The following FIBCD1 variants were observed in gnomAD, a reference collection of about 807,000 sequenced individuals.
FIBCD1 encodes fibrinogen C domain-containing protein 1.
In FIBCD1, 47 loss-of-function variants were observed where a neutral mutation model predicts 45.1. That is an observed-to-expected ratio of 1.04 (90% CI 0.82 to 1.33). The LOEUF (loss-of-function observed/expected upper bound fraction) is 1.33, where lower values mean the gene tolerates loss of function less well. Ranked by LOEUF, FIBCD1 falls within the 40% of genes most tolerant of loss-of-function variation. The pLI is 0.00. For synonymous variants in FIBCD1, 313 were observed against 308.1 expected, an observed-to-expected ratio of 1.02 and a Z score of -0.17; for missense variants, 653 against 682.2, an observed-to-expected ratio of 0.96 and a Z score of 0.48.
chr9:130,939,146 G>C lies in FIBCD1; in HGVS notation c.-539C>G, dbSNP rs1588115729. 6.6e-6 allele frequency: 1 copy of C among 152,050 alleles called. No individual in the cohort carries two copies. Among genetic ancestry groups the C allele is most frequent in the Non-Finnish European group, 1.5e-5 (1 of 67,998 alleles). The allele number at this position is 152,050 out of a possible 1,614,324, so 9.4% of individuals were successfully genotyped here. A position where few individuals can be genotyped will look rare whatever the true frequency, so the allele number is the denominator to read the frequency against. On this transcript the variant is annotated 5_prime_UTR_variant, in exon 1 of 7. Coordinates refer to ENST00000372338, the MANE Select transcript of FIBCD1 (RefSeq NM_032843.5). Reference sequence around the variant, plus strand: ...GCCGCGGGCGGCCCGGCTCCTGCTGGCTCCCGGAGGGGCCTGAGAGCCCCC... The same window carrying C: ...GCCGCGGGCGGCCCGGCTCCTGCTGCCTCCCGGAGGGGCCTGAGAGCCCCC...
intron 4 of FIBCD1, among the ~76,000 whole-genome samples, chr9:130,914,487 C>CTG (rs1261270253): frequency 1.3e-5 from 2 of 152,240 alleles, no homozygotes; most frequent in Admixed American, 6.5e-5. Context: ...GTCCTGGGCC[C>CTG]TGTGTCAGCC....
chr9:130,920,002 C>T (rs1427489363), intron 4 of FIBCD1, among the ~76,000 whole-genome samples: 1 of 152,132 alleles, frequency 6.6e-6, no homozygotes, highest in Non-Finnish European at 1.5e-5. Flanking sequence ...GGAGCCCAGG[C>T]ACTGAGGCTG....
chr9:130,938,047 C>T (rs1252167125), intron 1 of FIBCD1: 1 of 152,990 alleles, frequency 6.5e-6, no homozygotes, highest in Non-Finnish European at 1.5e-5. Context: ...TGATCCCCTA[C>T]TGTATGCAGG....
intron 5 of FIBCD1, 49 bp from the exon 6 acceptor site, chr9:130,905,462 G>T: frequency 6.5e-7 from 1 of 1,549,910 alleles, no homozygotes; most frequent in Non-Finnish European, 8.8e-7. Flanking sequence ...CGTAGGAAGC[G>T]ACTCCCCAGG....
chr9:130,911,073 G>C (rs578151986), intron 5 of FIBCD1, among the ~76,000 whole-genome samples: 3 of 152,088 alleles, frequency 2.0e-5, no homozygotes, highest in East Asian at 1.9e-4. Flanking sequence ...AGCCAGCCTC[G>C]GCAACCCGCT....
intron 1 of FIBCD1, among the ~76,000 whole-genome samples, chr9:130,935,349 T>A (rs1383457245): frequency 6.6e-6 from 1 of 152,148 alleles, no homozygotes; most frequent in Non-Finnish European, 1.5e-5. Flanking sequence ...AGAAGAATCA[T>A]GTCTATTTCT....
At chr9:130,905,477 A>T in intron 5 of FIBCD1, 64 bp from the exon 6 acceptor site, 1 of 1,495,500 alleles carries the variant, frequency 6.7e-7, no homozygotes, top group Non-Finnish European at 9.0e-7. Flanking sequence ...CCCAGGGAGA[A>T]ATGATAAATG....
intron 4 of FIBCD1, among the ~76,000 whole-genome samples, chr9:130,913,099 G>A (rs1832092760): frequency 6.6e-6 from 1 of 152,144 alleles, no homozygotes; most frequent in African/African-American, 2.4e-5. Flanking sequence ...TAACATTCTT[G>A]ATTTGGGAGT....
At chr9:130,937,774 C>T (rs1378276055) in intron 1 of FIBCD1, among the ~76,000 whole-genome samples, 1 of 152,212 alleles carries the variant, frequency 6.6e-6, no homozygotes, top group African/African-American at 2.4e-5. Context: ...ACTCCAGCCC[C>T]CTTGCTGGCC....
chr9:130,922,118 C>T lies in FIBCD1; in HGVS notation c.849+1626G>A, dbSNP rs922565521. ...AGAGGCTTCCCTCTCTCCTGTTTCT[C>T]GGTCACTTGTTTTGTCTGATGTTAA... On this transcript the variant is annotated intron_variant, in intron 4 of 6. Transcript: ENST00000372338. The surrounding 1 kb of genome is among the most constrained non-coding windows in gnomAD (Gnocchi z 4.5). 1.3e-5 allele frequency among the ~76,000 whole-genome samples: 2 copies of T among 152,236 alleles called. No individual in the cohort carries two copies. The highest frequency in any genetic ancestry group is 2.9e-5 in the Non-Finnish European group (2 of 68,046).
rs1588112830 is a variant in FIBCD1, at chr9:130,930,023, CAGCACGT to C, written c.89_95del (p.Tyr30CysfsTer14). ...CAGCCAGGGCCAGCAGCACGGTGCA[CAGCACGT>C]AGCCGCAGCTCGGCCGCTGCAGGCC... is the stretch of plus-strand genomic sequence containing the variant. On this transcript the variant is annotated frameshift_variant, in exon 2 of 7. Transcript: ENST00000372338. LOFTEE classifies it high-confidence loss of function. The C allele has an allele frequency of 1.3e-6, 2 of 1,509,228 alleles. No individual in the cohort carries two copies. The allele number at this position is 1,509,228 out of a possible 1,614,324, so 93.5% of individuals were successfully genotyped here. A position where few individuals can be genotyped will look rare whatever the true frequency, so the allele number is the denominator to read the frequency against.
chr9:130,929,713 G>A lies in FIBCD1; in HGVS notation c.406C>T (p.Leu136=), dbSNP rs1832413512. ...AGCTGGTCGGCCAGCGTGTCCAGCA[G>A]CTCCTGCTCCTGGTCGCCCACCAGC... is the stretch of plus-strand genomic sequence containing the variant. ...PRLVGDQEQE[L]LDTLADQLPR... is the part of the protein sequence containing the mutation. The change falls in exon 2 of 7, where the codon CTG becomes TTG. Residue 136 remains leucine, a synonymous_variant. Transcript: ENST00000372338. 6.3e-7 allele frequency: 1 copy of A among 1,597,482 alleles called. No individual in the cohort carries two copies. The highest frequency in any genetic ancestry group is 1.3e-5 in the African/African-American group (1 of 74,598).
At chr9:130,932,246 G>T (rs1049997185) in intron 1 of FIBCD1, among the ~76,000 whole-genome samples, 2 of 152,204 alleles carry the variant, frequency 1.3e-5, no homozygotes, top group Non-Finnish European at 2.9e-5. Context: ...ATTCCACAAG[G>T]ACCTGCCGGA....
intron 1 of FIBCD1, among the ~76,000 whole-genome samples, chr9:130,931,136 G>T (rs946581972): frequency 2.6e-5 from 4 of 152,150 alleles, no homozygotes; most frequent in Non-Finnish European, 5.9e-5. Context: ...GGCCACCCTG[G>T]AGAAGAGGCC....
Position 130,929,888 on chromosome 9 carries a change from G to A in FIBCD1, c.231C>T (p.Ser77=), listed in dbSNP as rs997531782. 118 of 1,549,460 alleles carry A rather than the reference G, an allele frequency of 7.6e-5. No homozygotes were observed. Among genetic ancestry groups the A allele is most frequent in the Middle Eastern group, 1.7e-4 (1 of 5,962 alleles). ...CCGCCCTTTCCACAGTGACCAGGGCGCTGTTGGCGCTGGCAGCCCCAGTGC... is the reference window on the plus strand; with the variant it reads ...CCGCCCTTTCCACAGTGACCAGGGCACTGTTGGCGCTGGCAGCCCCAGTGC... ...VVSTGAASAN[S]ALVTVERADS... The change falls in exon 2 of 7, where the codon AGC becomes AGT. Residue 77 remains serine (S), a synonymous_variant. Coordinates refer to ENST00000372338, the MANE Select transcript of FIBCD1 (RefSeq NM_032843.5).
At chr9:130,914,425 G>A (rs1160150017) in intron 4 of FIBCD1, among the ~76,000 whole-genome samples, 2 of 152,254 alleles carry the variant, frequency 1.3e-5, no homozygotes, top group South Asian at 4.1e-4. Context: ...AGACTTGGAG[G>A]TTGGGGAGAG....
At chr9:130,912,430 G>T (rs1832074376) in intron 4 of FIBCD1, among the ~76,000 whole-genome samples, 1 of 150,716 alleles carries the variant, frequency 6.6e-6, no homozygotes, top group South Asian at 2.1e-4. Flanking sequence ...GGGTGGGCCG[G>T]GCACGGTGAC....
At position 130,929,765 on chromosome 9, in the gene FIBCD1, C is replaced by T. The variant is rs753512278; in HGVS notation, c.354G>A (p.Ala118=). Residue 118 remains alanine (A), a synonymous_variant, in exon 2 of 7, where the codon GCG becomes GCA. Transcript: ENST00000372338. ...GTGGCTGGGCCTGGTGCTCTGTCAG[C>T]GCCTGCAGCACCGAGGCCTGGGCGC... ...LESAQASVLQ[A]LTEHQAQPRL... 2.9e-5 allele frequency: 45 copies of T among 1,560,736 alleles called. No homozygotes were observed. The highest frequency in any genetic ancestry group is 2.8e-4 in the South Asian group (24 of 85,136).
rs1208120280 is a variant in FIBCD1, at chr9:130,922,631, G to A, written c.849+1113C>T. 1.3e-5 allele frequency among the ~76,000 whole-genome samples: 2 copies of A among 151,864 alleles called. No homozygotes were observed. Among genetic ancestry groups the A allele is most frequent in the African/African-American group, 2.4e-5 (1 of 41,326 alleles). On this transcript the variant is annotated intron_variant, in intron 4 of 6. Coordinates refer to ENST00000372338, the MANE Select transcript of FIBCD1 (RefSeq NM_032843.5). This position sits in a 1 kb window ranked among gnomAD's most constrained non-coding sequence, Gnocchi z 4.5. ...TGAACGGTCGAAACACCTCCTCCCC[G>A]TCCCTCTCCCCACTGCCCAAGGATG...
Sources: allele counts gnomAD v4.1 joint callset (sites outside exome capture counted in the v4.1 genomes callset), GRCh38; gene constraint gnomAD v4.1.1; non-coding constraint Gnocchi (gnomAD v3.1); transcripts MANE v1.5; gene names NCBI Gene and HGNC (gene_info 2026-07-23, HGNC 2026-07-21).